The following EYS variants were observed in gnomAD, a reference collection of about 807,000 sequenced individuals.
The protein encoded by EYS is protein eyes shut homolog.
EYS carries 250 observed loss-of-function variants against 282.1 expected under a neutral mutation model. The observed-to-expected ratio is 0.89, with a 90% confidence interval of 0.80 to 0.98. EYS has a LOEUF of 0.98. Ranked by LOEUF, EYS falls within the 50% of genes least tolerant of loss-of-function variation. The probability of loss-of-function intolerance (pLI) is 0.00; values close to 1 mark genes in which losing one functional copy is unlikely to be tolerated. For missense variants in EYS, 4,016 were observed against 3,709.0 expected, an observed-to-expected ratio of 1.08 and a Z score of -2.15; for synonymous variants, 1,355 against 1,282.9, an observed-to-expected ratio of 1.06 and a Z score of -1.20.
intron 10 of EYS, among the ~76,000 whole-genome samples, chr6:65,342,995 C>T (rs972075350): frequency 2.7e-5 from 4 of 150,884 alleles, no homozygotes; most frequent in African/African-American, 9.7e-5. Context: ...AAAGATAAAG[C>T]TGTAATGTAA....
intron 41 of EYS, among the ~76,000 whole-genome samples, chr6:63,743,497 A>T (rs1337846483): frequency 6.6e-6 from 1 of 152,194 alleles, no homozygotes; most frequent in Non-Finnish European, 1.5e-5. Context: ...AAGACTTAGA[A>T]GTTTCCTAGG....
At chr6:65,632,607 T>C (rs1292009063) in intron 2 of EYS, among the ~76,000 whole-genome samples, 1 of 152,204 alleles carries the variant, frequency 6.6e-6, no homozygotes, top group Non-Finnish European at 1.5e-5. Flanking sequence ...CATTTTCCAT[T>C]GAAAGGTCAG....
chr6:65,376,971 A>C (rs1420493024), intron 8 of EYS, among the ~76,000 whole-genome samples: 1 of 152,156 alleles, frequency 6.6e-6, no homozygotes, highest in Non-Finnish European at 1.5e-5. Context: ...TCAATGAGAC[A>C]GAAAATTAAC....
chr6:64,079,703 C>A (rs950506793), intron 32 of EYS, among the ~76,000 whole-genome samples: 1 of 152,096 alleles, frequency 6.6e-6, no homozygotes, highest in Non-Finnish European at 1.5e-5. Context: ...GGTATATCTC[C>A]TAATGCTATC....
intron 7 of EYS, 41 bp downstream of exon 7, chr6:65,402,437 C>T: frequency 7.5e-7 from 1 of 1,327,662 alleles, no homozygotes; most frequent in Non-Finnish European, 1.1e-6. Context: ...TTTAAAAATC[C>T]ATGTACTTTG....
At chr6:64,634,138 C>G (rs1767888262) in intron 22 of EYS, among the ~76,000 whole-genome samples, 1 of 152,140 alleles carries the variant, frequency 6.6e-6, no homozygotes, top group South Asian at 2.1e-4. Context: ...TGTGCGCCAC[C>G]AAGCCCAGCT....
intron 15 of EYS, among the ~76,000 whole-genome samples, chr6:64,920,070 G>A (rs1233456823): frequency 6.6e-6 from 1 of 151,706 alleles, no homozygotes; most frequent in East Asian, 1.9e-4. Flanking sequence ...AGTGAGATTA[G>A]TTTCATTTTT....
chr6:64,397,153 CAA>C (rs1205280930), intron 28 of EYS, among the ~76,000 whole-genome samples: 3 of 151,876 alleles, frequency 2.0e-5, no homozygotes, highest in Non-Finnish European at 2.9e-5. Flanking sequence ...TGCTGGTTTT[CAA>C]AAGTTTGGGT....
At chr6:65,180,047 G>A (rs2150232634) in intron 12 of EYS, among the ~76,000 whole-genome samples, 1 of 150,964 alleles carries the variant, frequency 6.6e-6, no homozygotes, top group African/African-American at 2.4e-5. Flanking sequence ...GTATTGATGG[G>A]ACGTATCTCA....
intron 8 of EYS, among the ~76,000 whole-genome samples, chr6:65,357,910 C>T (rs1408936130): frequency 6.6e-6 from 1 of 151,876 alleles, no homozygotes; most frequent in African/African-American, 2.4e-5. Context: ...TTAAGTGAGT[C>T]AAACGTTATT....
intron 26 of EYS, among the ~76,000 whole-genome samples, chr6:64,454,643 C>T (rs149551057): frequency 1.1e-4 from 16 of 152,144 alleles, no homozygotes; most frequent in African/African-American, 3.4e-4. Flanking sequence ...TATAATAAAT[C>T]TATATGTAGG....
intron 19 of EYS, among the ~76,000 whole-genome samples, chr6:64,882,920 G>T (rs1379622881): frequency 6.6e-6 from 1 of 151,364 alleles, no homozygotes; most frequent in Non-Finnish European, 1.5e-5. Flanking sequence ...AAGTTCAGTG[G>T]ATAAAATGGG....
intron 1 of EYS, among the ~76,000 whole-genome samples, chr6:65,699,558 T>C (rs191777151): frequency 2.4e-4 from 36 of 152,256 alleles, no homozygotes; most frequent in Middle Eastern, 3.4e-3. Context: ...GACATGAACA[T>C]GTATAGTAGC....
intron 36 of EYS, among the ~76,000 whole-genome samples, chr6:63,817,157 T>C (rs1318313410): frequency 6.6e-6 from 1 of 152,192 alleles, no homozygotes; most frequent in Non-Finnish European, 1.5e-5. Flanking sequence ...TTTTTCCTGG[T>C]GACAGAATCA....
At chr6:63,933,659 G>T (rs1473220369) in intron 35 of EYS, among the ~76,000 whole-genome samples, 1 of 152,060 alleles carries the variant, frequency 6.6e-6, no homozygotes, top group East Asian at 1.9e-4. Flanking sequence ...AGTTTTTCCA[G>T]TGACCAGCCT....
At chr6:65,070,232 G>C (rs978136279) in intron 12 of EYS, among the ~76,000 whole-genome samples, 1 of 151,856 alleles carries the variant, frequency 6.6e-6, no homozygotes, top group African/African-American at 2.4e-5. Flanking sequence ...TCATCCAGCA[G>C]CAAAACTTCT....
rs568558556 is a variant in EYS at position 64,329,588 on chromosome 6, G to A, written c.6079-22506C>T. ...ATCCCCCGGGGCTAGCCATAAATCA[G>A]GCACCCGTAGTGGTGGAACTGCTGT... On this transcript the variant is annotated intron_variant, in intron 29 of 42. Coordinates refer to ENST00000503581, the MANE Select transcript of EYS (RefSeq NM_001142800.2). Among the ~76,000 whole-genome samples the A allele has an allele frequency of 3.3e-4, 50 of 152,210 alleles. No homozygotes were observed. The South Asian group carries it at 3.5e-3, about 11-fold the overall frequency.
intron 29 of EYS, among the ~76,000 whole-genome samples, chr6:64,325,354 A>C (rs988059834): frequency 2.6e-5 from 4 of 151,988 alleles, no homozygotes; most frequent in Non-Finnish European, 1.5e-5. Context: ...CCACATTCAT[A>C]GGAAAAGGGG....
intron 36 of EYS, among the ~76,000 whole-genome samples, chr6:63,840,210 T>G (rs111977454): frequency 2.3e-3 from 233 of 101,322 alleles, no homozygotes; most frequent in African/African-American, 7.5e-3. Context: ...ACCATGCCCA[T>G]CTTATTATTA....
Sources: allele counts gnomAD v4.1 joint callset (sites outside exome capture counted in the v4.1 genomes callset), GRCh38; gene constraint gnomAD v4.1.1; transcripts MANE v1.5; gene names NCBI Gene and HGNC (gene_info 2026-07-23, HGNC 2026-07-21).